DNAH9: variants seen among roughly 807,000 people sequenced by gnomAD.
DNAH9 encodes the protein DNAH9 variant protein.
In DNAH9, 345 loss-of-function variants were observed where a neutral mutation model predicts 471.6. The observed-to-expected ratio is 0.73, with a 90% CI of 0.67 to 0.80. DNAH9 has a LOEUF of 0.80. Among genes scored for constraint, DNAH9 ranks in the 30% least tolerant of loss-of-function variants. The pLI, the probability that DNAH9 is intolerant of heterozygous loss-of-function variation, is 0.00. For missense variants in DNAH9, 5,407 were observed against 5,609.2 expected, an observed-to-expected ratio of 0.96 and a Z score of 1.15; for synonymous variants, 2,093 against 2,123.6, an observed-to-expected ratio of 0.99 and a Z score of 0.40.
Position 11,680,750 on chromosome 17 carries a change from A to T in DNAH9, c.3604A>T (p.Lys1202Ter). Residue 1202 changes from lysine (K) to a stop codon, truncating the protein, a stop_gained, in exon 19 of 69, where the codon AAA becomes TAA. Transcript: ENST00000262442. LOFTEE classifies it high-confidence loss of function. Reference sequence around the variant, plus strand: ...GCTGCCTGAGAAATGGAACAACATAAAAAAGGTGGCCATTACTGTGAAGCA... The same window carrying T: ...GCTGCCTGAGAAATGGAACAACATATAAAAGGTGGCCATTACTGTGAAGCA... ...EELPEKWNNIKKVAITVKQQV... is the reference protein window; with the variant it reads ...EELPEKWNNI The T allele has an allele frequency of 6.2e-7, 1 of 1,614,090 alleles. No homozygotes were observed. The highest frequency in any genetic ancestry group is 8.5e-7 in the Non-Finnish European group (1 of 1,179,992).
intron 17 of DNAH9, among the ~76,000 whole-genome samples, chr17:11,673,644 A>G (rs576223308): frequency 1.4e-5 from 2 of 140,902 alleles, no homozygotes; most frequent in African/African-American, 5.3e-5. Context: ...TTCTCTCTCT[A>G]CAAAAAGTTT....
At chr17:11,931,570 CTT>C in intron 63 of DNAH9, among the ~76,000 whole-genome samples, 1 of 152,268 alleles carries the variant, frequency 6.6e-6, no homozygotes, top group East Asian at 1.9e-4. Context: ...CCCCTGTACT[CTT>C]TTTCCCAGCT....
At chr17:11,605,054 A>G (rs2072470318) in intron 1 of DNAH9, among the ~76,000 whole-genome samples, 2 of 152,104 alleles carry the variant, frequency 1.3e-5, no homozygotes, top group South Asian at 4.1e-4. Context: ...CTTTGGGATC[A>G]CTCTGTCCCC....
chr17:11,810,389 T>C lies in DNAH9; in HGVS notation c.8707+20T>C. 1 of 1,603,876 alleles carries C rather than the reference T, an allele frequency of 6.2e-7. No individual in the cohort carries two copies. Among genetic ancestry groups the C allele is most frequent in the Non-Finnish European group, 8.5e-7 (1 of 1,176,294 alleles). ...CATCTGGTAAGAGATTCCTTGCACT[T>C]GGTGTCACTGATAAATTCCCCCTGG... On this transcript the variant is annotated intron_variant, in intron 45 of 68. Transcript: ENST00000262442.
At position 11,856,025 on chromosome 17, in the gene DNAH9, G is replaced by T. The variant is rs574610478; in HGVS notation, c.9933+1597G>T. ...GCCCATGATGAAGGGAGCAGCAGGA[G>T]CTGCCCCCCTGCTGTGTGACTATAA... is the stretch of plus-strand genomic sequence containing the variant. On this transcript the variant is annotated intron_variant, in intron 50 of 68. Transcript: ENST00000262442. 3.9e-5 allele frequency among the ~76,000 whole-genome samples: 6 copies of T among 152,296 alleles called. No individual in the cohort carries two copies. In the East Asian group the frequency reaches 1.2e-3, roughly 29 times the overall value.
At chr17:11,768,375 T>G in intron 36 of DNAH9, 78 bp from the exon 37 acceptor site, 1 of 1,446,530 alleles carries the variant, frequency 6.9e-7, no homozygotes, top group Non-Finnish European at 9.5e-7. Context: ...CCTGACCTTC[T>G]ATCTGACGCC....
intron 6 of DNAH9, among the ~76,000 whole-genome samples, chr17:11,621,964 T>C (rs2072877497): frequency 6.6e-6 from 1 of 151,852 alleles, no homozygotes; most frequent in African/African-American, 2.4e-5. Flanking sequence ...CGTGCACCTG[T>C]AGTCTCAGCT....
chr17:11,951,214 C>T (rs1043235176), intron 67 of DNAH9, among the ~76,000 whole-genome samples: 2 of 152,002 alleles, frequency 1.3e-5, no homozygotes, highest in African/African-American at 4.8e-5. Context: ...AATTTTTATT[C>T]TGAAGGGAAA....
At chr17:11,931,065 C>T (rs369649435) in intron 63 of DNAH9, among the ~76,000 whole-genome samples, 11 of 152,328 alleles carry the variant, frequency 7.2e-5, no homozygotes, top group African/African-American at 2.4e-4. Context: ...CCTCTTTGAT[C>T]TTCTCAAGAA....
chr17:11,887,140 T>G (rs567734266), intron 57 of DNAH9, among the ~76,000 whole-genome samples, 175 bp downstream of exon 57: 10 of 152,320 alleles, frequency 6.6e-5, no homozygotes, highest in Admixed American at 2.0e-4. Context: ...CTCATCTCTT[T>G]AATTGGGTCT....
At chr17:11,799,499 A>G (rs1040044152) in intron 43 of DNAH9, among the ~76,000 whole-genome samples, 6 of 151,556 alleles carry the variant, frequency 4.0e-5, no homozygotes, top group Non-Finnish European at 8.8e-5. Flanking sequence ...TTTAACCACC[A>G]TAGACCCCAT....
chr17:11,929,836 A>G, intron 62 of DNAH9, 30 bp from the exon 63 acceptor site: 1 of 1,588,588 alleles, frequency 6.3e-7, no homozygotes, highest in Non-Finnish European at 8.6e-7. Flanking sequence ...AGATGCCTGT[A>G]TTGAGGGGGG....
chr17:11,794,809 A>G (rs1297173984), intron 42 of DNAH9, among the ~76,000 whole-genome samples: 1 of 151,584 alleles, frequency 6.6e-6, no homozygotes, highest in Non-Finnish European at 1.5e-5. Context: ...TCATGAAATG[A>G]GTTGAGAAAA....
intron 24 of DNAH9, among the ~76,000 whole-genome samples, chr17:11,702,712 T>C (rs867743940): frequency 4.6e-5 from 7 of 151,896 alleles, no homozygotes; most frequent in Admixed American, 2.0e-4. Context: ...ATGAAGAAGG[T>C]TCATGGATAA....
chr17:11,920,035 C>CTTTTTTTTTTT (rs1165405913), intron 61 of DNAH9, among the ~76,000 whole-genome samples: 31 of 135,942 alleles, frequency 2.3e-4, no homozygotes, highest in East Asian at 1.4e-3. Flanking sequence ...TAAGTTCTTT[C>CTTTTTTTTTTT]TTTTTTTTTT....
At position 11,848,375 on chromosome 17, in the gene DNAH9, A is replaced by G. The variant is rs113791880; in HGVS notation, c.9508-5628A>G. Among the ~76,000 whole-genome samples the G allele has an allele frequency of 9.8e-3, 1,486 of 152,268 alleles. 26 individuals carry two copies. The highest frequency in any genetic ancestry group is 0.034 in the African/African-American group (1,408 of 41,554). ...TAATATGCATACATTAATTAAACCA[A>G]TATTGTGATCTTATTTTTAATCTAT... is the stretch of plus-strand genomic sequence containing the variant. On this transcript the variant is annotated intron_variant, in intron 49 of 68. Transcript: ENST00000262442.
At chr17:11,778,683 A>G (rs532035514) in intron 38 of DNAH9, among the ~76,000 whole-genome samples, 5 of 152,102 alleles carry the variant, frequency 3.3e-5, no homozygotes, top group East Asian at 1.9e-4. Context: ...AGACGGCGAA[A>G]AGAGATAACA....
At position 11,626,946 on chromosome 17, in the gene DNAH9, C is replaced by T. The variant is rs1486445082; in HGVS notation, c.1351-2471C>T. On this transcript the variant is annotated intron_variant, in intron 6 of 68. Transcript: ENST00000262442. The surrounding 1 kb of genome is among the most constrained non-coding windows in gnomAD (Gnocchi z 4.3). ...GGACTCTTCCAGGCACTGGAAATAC[C>T]GAGATACCTTTGGGGCATTTACAAC... Among the ~76,000 whole-genome samples the T allele has an allele frequency of 1.3e-5, 2 of 152,168 alleles. No individual in the cohort carries two copies. The highest frequency in any genetic ancestry group is 2.1e-4 in the South Asian group (1 of 4,804).
In DNAH9 at chr17:11,689,546, G is replaced by C; in HGVS notation, c.3744-20G>C. ...GCCCCTGCGTGCCATACTTACAAAGGAACACACTGTGTTTTGTAGGTTTGA... is the reference window on the plus strand; with the variant it reads ...GCCCCTGCGTGCCATACTTACAAAGCAACACACTGTGTTTTGTAGGTTTGA... On this transcript the variant is annotated intron_variant, in intron 19 of 68. Transcript: ENST00000262442. 6.3e-7 allele frequency: 1 copy of C among 1,595,010 alleles called. No homozygotes were observed. Among genetic ancestry groups the C allele is most frequent in the South Asian group, 1.1e-5 (1 of 87,544 alleles).
Sources: gnomAD v4.1 joint callset for allele counts (sites outside exome capture counted in the v4.1 genomes callset) on GRCh38, gnomAD v4.1.1 for gene constraint, Gnocchi (gnomAD v3.1) non-coding constraint, MANE v1.5 for transcripts, NCBI Gene and HGNC (gene_info 2026-07-23, HGNC 2026-07-21) for gene names.